AKAP19: variants seen among roughly 807,000 people sequenced by gnomAD.
The protein encoded by AKAP19 is small A-kinase anchoring protein.
the AKAP19 span, among the ~76,000 whole-genome samples, chr2:190,025,046 C>T: frequency 6.6e-6 from 1 of 152,226 alleles, no homozygotes; most frequent in Non-Finnish European, 1.5e-5. Flanking sequence ...TTTTAGACAC[C>T]TCTTTGCATT....
chr2:190,029,655 A>G, the AKAP19 span, among the ~76,000 whole-genome samples: 1 of 152,210 alleles, frequency 6.6e-6, no homozygotes, highest in Non-Finnish European at 1.5e-5. Context: ...AGTCTCTGTC[A>G]TATTACTCAA....
chr2:190,032,572 A>G, the AKAP19 span, among the ~76,000 whole-genome samples: 16 of 152,272 alleles, frequency 1.1e-4, no homozygotes, highest in East Asian at 2.9e-3. Context: ...ACCCCTACTA[A>G]TGTGCCTTTT....
chr2:189,892,557 C>G, the AKAP19 span, among the ~76,000 whole-genome samples: 1,304 of 152,318 alleles, frequency 8.6e-3, 15 homozygotes, highest in Admixed American at 0.019. Context: ...GTATCACCAG[C>G]AGAGGCTGCA....
chr2:190,078,138 C>T, the AKAP19 span, among the ~76,000 whole-genome samples: 9 of 152,168 alleles, frequency 5.9e-5, no homozygotes, highest in South Asian at 6.2e-4. Flanking sequence ...GTCTCCTCAG[C>T]GTTTCCAATT....
chr2:189,982,220 CTTTAT>C, the AKAP19 span, among the ~76,000 whole-genome samples: 12,616 of 151,626 alleles, frequency 0.083, 1,458 homozygotes, highest in African/African-American at 0.25. Flanking sequence ...ATTATTTTTC[CTTTAT>C]TTTAGTGTGG....
At chr2:189,897,761 T>G in the AKAP19 span, among the ~76,000 whole-genome samples, 1 of 152,230 alleles carries the variant, frequency 6.6e-6, no homozygotes, top group African/African-American at 2.4e-5. Flanking sequence ...AATGAAAGCT[T>G]ATCTTCCAAC....
chr2:190,186,255 A>G, the AKAP19 span, among the ~76,000 whole-genome samples: 1 of 152,178 alleles, frequency 6.6e-6, no homozygotes, highest in African/African-American at 2.4e-5. The surrounding 1 kb of genome is among the most constrained non-coding windows in gnomAD (Gnocchi z 5.5). Context: ...CCCAACCAAA[A>G]TCACAATTTT....
At chr2:190,197,522 A>C in the AKAP19 span, among the ~76,000 whole-genome samples, 18 of 152,168 alleles carry the variant, frequency 1.2e-4, no homozygotes, top group Non-Finnish European at 2.2e-4. This position sits in a 1 kb window ranked among gnomAD's most constrained non-coding sequence, Gnocchi z 4.0. Context: ...TCTATCTTAT[A>C]AATTCCAGCT....
At chr2:190,180,359 C>A in the AKAP19 span, 1 of 648,478 alleles carries the variant, frequency 1.5e-6, no homozygotes, top group Non-Finnish European at 1.9e-6. The surrounding 1 kb of genome is among the most constrained non-coding windows in gnomAD (Gnocchi z 6.8). Flanking sequence ...CCAAGGCAGG[C>A]CCCGCGGGGG....
chr2:190,049,392 T>C, the AKAP19 span, among the ~76,000 whole-genome samples: 3 of 152,198 alleles, frequency 2.0e-5, no homozygotes, highest in Non-Finnish European at 4.4e-5. Flanking sequence ...GATGAGGGTA[T>C]GGGAAAATAG....
chr2:189,969,571 A>G, the AKAP19 span, among the ~76,000 whole-genome samples: 1 of 151,952 alleles, frequency 6.6e-6, no homozygotes, highest in South Asian at 2.1e-4. Context: ...TCTACTAAAA[A>G]ATACAAAAGT....
the AKAP19 span, among the ~76,000 whole-genome samples, chr2:190,075,060 T>C: frequency 2.0e-5 from 3 of 152,172 alleles, no homozygotes; most frequent in Admixed American, 2.0e-4. Flanking sequence ...TGTATTTAGA[T>C]AAAAAATTTA....
the AKAP19 span, among the ~76,000 whole-genome samples, chr2:189,920,202 G>T: frequency 2.0e-5 from 3 of 152,150 alleles, no homozygotes; most frequent in Non-Finnish European, 4.4e-5. Flanking sequence ...AAAAATATAA[G>T]TGTATTCTTC....
chr2:190,058,918 A>G, the AKAP19 span, among the ~76,000 whole-genome samples: 29 of 152,008 alleles, frequency 1.9e-4, no homozygotes, highest in African/African-American at 6.5e-4. Context: ...AAAACCTCAG[A>G]CTTCACCACT....
At chr2:190,075,379 T>C in the AKAP19 span, among the ~76,000 whole-genome samples, 3 of 152,210 alleles carry the variant, frequency 2.0e-5, no homozygotes, top group Non-Finnish European at 4.4e-5. Flanking sequence ...GCATGTGTGA[T>C]TCTTTAAATG....
the AKAP19 span, among the ~76,000 whole-genome samples, chr2:190,003,683 G>A: frequency 1.3e-5 from 2 of 152,074 alleles, no homozygotes; most frequent in Non-Finnish European, 2.9e-5. Context: ...GTCCAACACG[G>A]AGAAACCCCG....
the AKAP19 span, among the ~76,000 whole-genome samples, chr2:190,084,321 C>T: frequency 1.3e-5 from 2 of 151,936 alleles, no homozygotes; most frequent in Non-Finnish European, 2.9e-5. Context: ...TCGAATTCCT[C>T]ACCTCAAGTG....
the AKAP19 span, among the ~76,000 whole-genome samples, chr2:189,915,952 T>C: frequency 1.3e-5 from 2 of 152,276 alleles, no homozygotes; most frequent in South Asian, 4.1e-4. Flanking sequence ...TTTTTATTAG[T>C]GTCTCCATCA....
the AKAP19 span, among the ~76,000 whole-genome samples, chr2:190,144,523 C>G: frequency 3.9e-5 from 6 of 152,200 alleles, no homozygotes; most frequent in Middle Eastern, 3.4e-3. Context: ...GCATTTCCAC[C>G]CTTTTCTCTC....
Sources: gnomAD v4.1 joint callset for allele counts (sites outside exome capture counted in the v4.1 genomes callset) on GRCh38, gnomAD v4.1.1 for gene constraint, Gnocchi (gnomAD v3.1) non-coding constraint, MANE v1.5 for transcripts, NCBI Gene and HGNC (gene_info 2026-07-23, HGNC 2026-07-21) for gene names.